KLHL1: variants seen among roughly 807,000 people sequenced by gnomAD.
KLHL1 encodes kelch like family member 1, also known as kelch-like protein 1.
KLHL1 carries 47 observed loss-of-function variants against 77.7 expected under a neutral mutation model. The observed-to-expected ratio is 0.60, with a 90% CI of 0.48 to 0.77. The LOEUF is 0.77. Ranked by LOEUF, KLHL1 falls within the 30% of genes least tolerant of loss-of-function variation. KLHL1 has a pLI of 0.00. For missense variants in KLHL1, 925 were observed against 910.8 expected (o/e 1.02, Z -0.20); for synonymous variants, 360 against 325.2 (o/e 1.11, Z -1.15).
chr13:69,868,178 C>CA (rs1326968201), intron 5 of KLHL1, among the ~76,000 whole-genome samples: 1 of 151,478 alleles, frequency 6.6e-6, no homozygotes, highest in Non-Finnish European at 1.5e-5. Context: ...AATAGATATC[C>CA]AAAATACAGC....
intron 6 of KLHL1, among the ~76,000 whole-genome samples, chr13:69,815,628 T>C (rs554294260): frequency 6.6e-6 from 1 of 152,224 alleles, no homozygotes; most frequent in South Asian, 2.1e-4. Context: ...CTTTGGGCAA[T>C]GGGATCATTA....
intron 1 of KLHL1, among the ~76,000 whole-genome samples, chr13:70,075,719 T>A (rs1887253302): frequency 7.2e-6 from 1 of 138,498 alleles, no homozygotes; most frequent in Non-Finnish European, 1.5e-5. Flanking sequence ...TAAACCTGAA[T>A]TACACACACA....
chr13:70,000,797 G>A (rs1472634466), intron 1 of KLHL1, among the ~76,000 whole-genome samples: 1 of 151,268 alleles, frequency 6.6e-6, no homozygotes, highest in Non-Finnish European at 1.5e-5. Flanking sequence ...ATAGTGTGCA[G>A]ACTTATATAT....
intron 3 of KLHL1, among the ~76,000 whole-genome samples, chr13:69,941,023 G>A (rs1254090777): frequency 4.6e-5 from 7 of 151,810 alleles, no homozygotes; most frequent in Non-Finnish European, 1.0e-4. Flanking sequence ...AGTTTTACAA[G>A]TTGTATAACT....
At chr13:69,793,247 T>C (rs991912642) in intron 7 of KLHL1, among the ~76,000 whole-genome samples, 1 of 152,042 alleles carries the variant, frequency 6.6e-6, no homozygotes, top group Non-Finnish European at 1.5e-5. Flanking sequence ...AGATAATATA[T>C]AGAATTATAT....
chr13:69,918,576 T>C (rs992669724), intron 4 of KLHL1, among the ~76,000 whole-genome samples: 34 of 152,032 alleles, frequency 2.2e-4, no homozygotes, highest in African/African-American at 8.0e-4. Context: ...CACACTTAGT[T>C]AATGGCAGCT....
intron 1 of KLHL1, among the ~76,000 whole-genome samples, chr13:70,032,398 T>C (rs1886125461): frequency 6.6e-6 from 1 of 152,162 alleles, no homozygotes; most frequent in Admixed American, 6.5e-5. Flanking sequence ...TATTAGATCT[T>C]ATTTCAGGAT....
chr13:69,772,578 A>G (rs1295152129), intron 7 of KLHL1, among the ~76,000 whole-genome samples: 2 of 152,168 alleles, frequency 1.3e-5, no homozygotes, highest in African/African-American at 4.8e-5. Flanking sequence ...AATCTACTCT[A>G]GTTTGTCCAC....
At chr13:69,984,053 T>A (rs1884795965) in intron 1 of KLHL1, among the ~76,000 whole-genome samples, 1 of 152,032 alleles carries the variant, frequency 6.6e-6, no homozygotes. Flanking sequence ...ATAAAATTAT[T>A]AGAGGTAAAC....
intron 8 of KLHL1, among the ~76,000 whole-genome samples, chr13:69,738,930 A>C (rs994751747): frequency 5.3e-5 from 8 of 152,170 alleles, no homozygotes; most frequent in Non-Finnish European, 1.2e-4. Context: ...CAAGAAGACC[A>C]ACCCCTAGAC....
rs1881640260 is a variant in KLHL1, at chr13:69,896,367, T to C, written c.1015-13872A>G. The stretch of plus-strand genomic sequence containing the variant: ...ATCTTATCGTTGGTTAATTAGTCAT[T>C]CTAATTTCATCTGCAAAGTACCTAC... On this transcript the variant is annotated intron_variant, in intron 4 of 10. Coordinates refer to ENST00000377844, the MANE Select transcript of KLHL1 (RefSeq NM_020866.3). Among the ~76,000 whole-genome samples the C allele has an allele frequency of 2.0e-5, 3 of 152,214 alleles. No homozygotes were observed. The South Asian group carries it at 6.2e-4, about 31-fold the overall frequency.
Position 69,719,482 on chromosome 13 carries a change from A to G in KLHL1, c.1902T>C (p.Cys634=). 1.2e-6 allele frequency: 2 copies of G among 1,613,536 alleles called. No homozygotes were observed. Among genetic ancestry groups the G allele is most frequent in the Non-Finnish European group, 1.7e-6 (2 of 1,179,676 alleles). The change falls in exon 9 of 11, where the codon TGT becomes TGC. Residue 634 remains cysteine (C), a synonymous_variant. Transcript: ENST00000377844. ...CCACTCCGACACCCCCTCTCCTCTT[A>G]CACATGGGAGCACACATGTTCCACT... ...TNKWNMCAPM[C]KRRGGVGVAT... is the part of the protein sequence containing the mutation.
chr13:70,065,789 T>A (rs1341660571), intron 1 of KLHL1, among the ~76,000 whole-genome samples: 1 of 152,030 alleles, frequency 6.6e-6, no homozygotes, highest in Non-Finnish European at 1.5e-5. Context: ...CACCTGAACA[T>A]CAGTTTATGT....
chr13:69,963,005 A>G (rs1884113554), intron 2 of KLHL1, among the ~76,000 whole-genome samples: 1 of 152,100 alleles, frequency 6.6e-6, no homozygotes, highest in Non-Finnish European at 1.5e-5. Context: ...TGCATCTTAA[A>G]TTTTCCAAAG....
chr13:70,043,062 C>T (rs113460319), intron 1 of KLHL1, among the ~76,000 whole-genome samples: 5,269 of 152,160 alleles, frequency 0.035, 175 homozygotes, highest in African/African-American at 0.081. Flanking sequence ...TGAGCCACCA[C>T]GCCCAAGTAA....
chr13:69,882,365 C>A lies in KLHL1; in HGVS notation c.1145G>T (p.Trp382Leu). The change falls in exon 5 of 11, where the codon TGG becomes TTG. Residue 382 changes from tryptophan to leucine, a missense_variant. Transcript: ENST00000377844. ...EETIFHALMM[W>L]VKYDMQSRCN... ...TCTACTCTGCATGTCATACTTGACC[C>A]ACATCATCAATGCATGGAAGATGGT... 1.2e-6 allele frequency: 2 copies of A among 1,613,748 alleles called. No individual in the cohort carries two copies. The highest frequency in any genetic ancestry group is 2.2e-5 in the South Asian group (2 of 91,060).
intron 1 of KLHL1, among the ~76,000 whole-genome samples, chr13:70,049,519 T>A (rs893833763): frequency 6.6e-6 from 1 of 152,196 alleles, no homozygotes; most frequent in African/African-American, 2.4e-5. Flanking sequence ...TGTGCTCCCA[T>A]CATCTGGTGA....
chr13:69,864,653 T>C (rs2138160485), intron 5 of KLHL1, among the ~76,000 whole-genome samples: 1 of 152,294 alleles, frequency 6.6e-6, no homozygotes. Flanking sequence ...TAAAGTTCAG[T>C]CATCTGTTTA....
chr13:70,078,800 T>C (rs781006697), intron 1 of KLHL1, among the ~76,000 whole-genome samples: 26 of 152,058 alleles, frequency 1.7e-4, no homozygotes, highest in Non-Finnish European at 3.7e-4. Context: ...TTCACCAAAA[T>C]GAAAATAAAT....
Sources: allele counts gnomAD v4.1 joint callset (sites outside exome capture counted in the v4.1 genomes callset), GRCh38; gene constraint gnomAD v4.1.1; transcripts MANE v1.5; gene names NCBI Gene and HGNC (gene_info 2026-07-23, HGNC 2026-07-21).